The following XXYLT1 variants were observed in gnomAD, a reference collection of about 807,000 sequenced individuals.
XXYLT1 encodes xyloside xylosyltransferase 1.
XXYLT1 carries 20 observed loss-of-function variants against 28.9 expected under a neutral mutation model. The ratio of observed to expected loss-of-function variants is 0.69; its 90% CI spans 0.49 to 1.00. The LOEUF is 1.00. XXYLT1 is among the 50% of genes least tolerant of loss of function. The pLI is 0.00. For missense variants in XXYLT1, 542 were observed against 560.1 expected (o/e 0.97, Z 0.33); for synonymous variants, 257 against 253.8 (o/e 1.01, Z -0.12).
At chr3:195,122,474 TAGTACTC>T (rs1252678825) in intron 3 of XXYLT1, among the ~76,000 whole-genome samples, 2 of 152,070 alleles carry the variant, frequency 1.3e-5, no homozygotes, top group African/African-American at 4.8e-5. Flanking sequence ...ACTGTAGTAG[TAGTACTC>T]AGTACTCAGT....
chr3:195,126,710 A>T lies in XXYLT1; in HGVS notation c.785+29739T>A, dbSNP rs368763152. Among the ~76,000 whole-genome samples, 674 of 152,256 alleles carry T rather than the reference A, an allele frequency of 4.4e-3. 2 individuals are homozygous for T. The highest frequency in any genetic ancestry group is 0.027 in the Middle Eastern group (8 of 294). The stretch of plus-strand genomic sequence containing the variant: ...GGCTCCTCCTCCTTCTTTCAATTTG[A>T]TCCCAACACTCCCCTCCCTAGAGAA... On this transcript the variant is annotated intron_variant, in intron 3 of 3. Transcript: ENST00000310380.
Position 195,198,999 on chromosome 3 carries a change from T to C in XXYLT1, c.652+27710A>G, listed in dbSNP as rs555535733. ...GAACACTGGAAAGAACAAACCTCTA[T>C]AATAATCAGCTGATGGAGACTTGCT... On this transcript the variant is annotated intron_variant, in intron 2 of 3. Coordinates refer to ENST00000310380, the MANE Select transcript of XXYLT1 (RefSeq NM_152531.5). Among the ~76,000 whole-genome samples the C allele has an allele frequency of 1.5e-4, 23 of 152,334 alleles. No homozygotes were observed. In the South Asian group the frequency reaches 2.3e-3, roughly 15 times the overall value.
intron 2 of XXYLT1, among the ~76,000 whole-genome samples, chr3:195,186,602 T>G (rs549234344): frequency 1.3e-5 from 2 of 152,144 alleles, no homozygotes; most frequent in Admixed American, 6.5e-5. Context: ...CTGGAGGAAG[T>G]CTTTAGTAAC....
chr3:195,103,489 G>A (rs1716924152), intron 3 of XXYLT1, among the ~76,000 whole-genome samples: 1 of 151,980 alleles, frequency 6.6e-6, no homozygotes, highest in South Asian at 2.1e-4. Flanking sequence ...GAGGCTGCAT[G>A]GGCCTAAATC....
intron 1 of XXYLT1, among the ~76,000 whole-genome samples, chr3:195,229,131 A>T (rs535714157): frequency 1.1e-4 from 17 of 152,094 alleles, no homozygotes; most frequent in Admixed American, 1.3e-4. Context: ...TACATAGCTT[A>T]TTTCTCTTAT....
In XXYLT1 at chr3:195,078,893, A is replaced by G. The variant is rs1715272992; in HGVS notation, c.786-8782T>C. ...GCTGATGGCCCTTCCCTTCACCTTG[A>G]CCACAGTGTCCTCAAACCACACCTA... On this transcript the variant is annotated intron_variant, in intron 3 of 3. Coordinates refer to ENST00000310380, the MANE Select transcript of XXYLT1 (RefSeq NM_152531.5). This position sits in a 1 kb window ranked among gnomAD's most constrained non-coding sequence, Gnocchi z 5.0. Among the ~76,000 whole-genome samples, 2 of 151,988 alleles carry G rather than the reference A, an allele frequency of 1.3e-5. No homozygotes were observed. Among genetic ancestry groups the G allele is most frequent in the South Asian group, 4.1e-4 (2 of 4,826 alleles).
intron 3 of XXYLT1, among the ~76,000 whole-genome samples, chr3:195,082,471 C>T (rs536059857): frequency 6.6e-6 from 1 of 152,294 alleles, no homozygotes; most frequent in Admixed American, 6.5e-5. Context: ...TCCCTGTGTC[C>T]CTGGGACTTC....
In XXYLT1 at chr3:195,270,337, A is replaced by G. The variant is rs113482363; in HGVS notation, c.504+218T>C. 1.7e-4 allele frequency: 188 copies of G among 1,129,714 alleles called. 1 individual carries two copies. In the African/African-American group the frequency reaches 2.6e-3, roughly 16 times the overall value. 70.0% of individuals were successfully genotyped at this position (1,129,714 alleles called of 1,614,324 possible). On this transcript the variant is annotated intron_variant, in intron 1 of 3. Transcript: ENST00000310380. ...GAGAGGAAAACGAGGCGGTCATTAAAAACGCAGCTCCACTCCTCAGCACCA... is the reference window on the plus strand; with the variant it reads ...GAGAGGAAAACGAGGCGGTCATTAAGAACGCAGCTCCACTCCTCAGCACCA...
intron 2 of XXYLT1, among the ~76,000 whole-genome samples, chr3:195,208,348 G>A (rs1723162899): frequency 6.6e-6 from 1 of 152,088 alleles, no homozygotes; most frequent in Admixed American, 6.5e-5. Flanking sequence ...TCCAGTCTCG[G>A]TGTCAGCTCT....
At chr3:195,238,836 G>C (rs1724661835) in intron 1 of XXYLT1, among the ~76,000 whole-genome samples, 1 of 152,224 alleles carries the variant, frequency 6.6e-6, no homozygotes, top group African/African-American at 2.4e-5. Flanking sequence ...GCTGGAAGCT[G>C]ACAAGAGGGT....
intron 3 of XXYLT1, among the ~76,000 whole-genome samples, chr3:195,085,171 T>G (rs150303742): frequency 1.3e-5 from 2 of 152,194 alleles, no homozygotes; most frequent in East Asian, 3.9e-4. Context: ...AAAGTTCAAG[T>G]TGGGGACAAA....
chr3:195,259,765 C>G, intron 1 of XXYLT1: 2 of 745,734 alleles, frequency 2.7e-6, no homozygotes, highest in East Asian at 2.6e-4. Context: ...AATTCCCCAC[C>G]GGCGCCAGGA....
At chr3:195,245,413 T>C (rs1724980735) in intron 1 of XXYLT1, among the ~76,000 whole-genome samples, 1 of 151,952 alleles carries the variant, frequency 6.6e-6, no homozygotes, top group African/African-American at 2.4e-5. Flanking sequence ...CACCTCGGCC[T>C]CCCAAAGTGC....
chr3:195,109,806 A>T, intron 3 of XXYLT1, among the ~76,000 whole-genome samples: 1 of 30,526 alleles, frequency 3.3e-5, no homozygotes, highest in Non-Finnish European at 6.5e-5. Context: ...TGTGTGGTGT[A>T]TGAGTGTGTG....
rs1304803223 is a variant in XXYLT1, at chr3:195,133,982, C to T, written c.785+22467G>A. Among the ~76,000 whole-genome samples the T allele has an allele frequency of 6.6e-6, 1 of 152,164 alleles. No individual in the cohort carries two copies. Among genetic ancestry groups the T allele is most frequent in the Admixed American group, 6.5e-5 (1 of 15,274 alleles). On this transcript the variant is annotated intron_variant, in intron 3 of 3. Transcript: ENST00000310380. This position sits in a 1 kb window ranked among gnomAD's most constrained non-coding sequence, Gnocchi z 4.4. ...ATCCTGGCACTTTGGGAGGCTGAGG[C>T]AGGAGGGTCGCCTGAGCCCAGGAGT...
intron 3 of XXYLT1, among the ~76,000 whole-genome samples, chr3:195,093,565 G>T (rs1264654482): frequency 1.3e-5 from 2 of 149,394 alleles, no homozygotes; most frequent in East Asian, 4.0e-4. Flanking sequence ...AGCATTGGGG[G>T]ATATACCTAA....
chr3:195,259,638 T>C lies in XXYLT1; in HGVS notation c.504+10917A>G, dbSNP rs188422509. 8,788 of 985,380 alleles carry C rather than the reference T, an allele frequency of 8.9e-3. 48 individuals carry two copies. The highest frequency in any genetic ancestry group is 9.7e-3 in the Non-Finnish European group (8,087 of 829,888). The allele number at this position is 985,380 out of a possible 1,614,324, so 61.0% of individuals were successfully genotyped here. A position where few individuals can be genotyped will look rare whatever the true frequency, so the allele number is the denominator to read the frequency against. On this transcript the variant is annotated intron_variant, in intron 1 of 3. Transcript: ENST00000310380. Reference sequence around the variant, plus strand: ...AGTCGCGTGCGACAGGCCTGTAAGGTGGCATCCGAGTCCCTCCCGCAATTA... The same window carrying C: ...AGTCGCGTGCGACAGGCCTGTAAGGCGGCATCCGAGTCCCTCCCGCAATTA...
At chr3:195,233,478 T>C (rs1313638426) in intron 1 of XXYLT1, among the ~76,000 whole-genome samples, 1 of 152,256 alleles carries the variant, frequency 6.6e-6, no homozygotes, top group African/African-American at 2.4e-5. Context: ...TGTTATGTTT[T>C]ATTTTCATGC....
At chr3:195,143,885 TATATTTATTTTTTATTTTTA>T (rs1560117370) in intron 3 of XXYLT1, among the ~76,000 whole-genome samples, 3 of 130,976 alleles carry the variant, frequency 2.3e-5, no homozygotes, top group African/African-American at 8.6e-5. Flanking sequence ...TATATATATA[TATATTTATTTTTTATTTTTA>T]TTTTTTTTTT....
Sources: allele counts gnomAD v4.1 joint callset (sites outside exome capture counted in the v4.1 genomes callset), GRCh38; gene constraint gnomAD v4.1.1; non-coding constraint Gnocchi (gnomAD v3.1); transcripts MANE v1.5; gene names NCBI Gene and HGNC (gene_info 2026-07-23, HGNC 2026-07-21).